Variants in GPHN observed in about 807,000 individuals in gnomAD.
GPHN encodes gephyrin.
A neutral mutation model predicts 95.5 loss-of-function variants in GPHN; 17 were observed. That is an observed-to-expected ratio of 0.18 (90% CI 0.12 to 0.27). GPHN has a LOEUF of 0.27. Among genes scored for constraint, GPHN ranks in the 10% least tolerant of loss-of-function variants. The pLI is 1.00. For synonymous variants in GPHN, 320 were observed against 322.5 expected (o/e 0.99, Z 0.08); for missense variants, 660 against 978.1 (o/e 0.67, Z 4.34).
At chr14:67,605,051 T>C in the GPHN span, among the ~76,000 whole-genome samples, 1 of 152,210 alleles carries the variant, frequency 6.6e-6, no homozygotes, top group African/African-American at 2.4e-5. Flanking sequence ...GTTAAGTCTT[T>C]CAACTTTATA....
intron 4 of GPHN, among the ~76,000 whole-genome samples, chr14:66,851,432 T>C (rs191807002): frequency 6.6e-6 from 1 of 152,294 alleles, no homozygotes; most frequent in East Asian, 1.9e-4. Flanking sequence ...TTTGTATAAG[T>C]GGAACCATAT....
the GPHN span, among the ~76,000 whole-genome samples, chr14:67,646,037 T>C: frequency 5.9e-5 from 9 of 152,200 alleles, no homozygotes; most frequent in Non-Finnish European, 1.3e-4. Context: ...GCGACTGATA[T>C]ACCCACAGCC....
At chr14:66,789,801 A>G (rs1311439726) in intron 3 of GPHN, among the ~76,000 whole-genome samples, 2 of 152,216 alleles carry the variant, frequency 1.3e-5, no homozygotes, top group African/African-American at 2.4e-5. Context: ...GGCCAGGAGC[A>G]TGCTTCTGTA....
chr14:66,750,998 T>G (rs2058342219), intron 2 of GPHN, among the ~76,000 whole-genome samples: 1 of 152,002 alleles, frequency 6.6e-6, no homozygotes. Context: ...AGTCTGTATT[T>G]ATAGCATTCT....
the GPHN span, among the ~76,000 whole-genome samples, chr14:67,214,735 G>A: frequency 6.6e-6 from 1 of 152,080 alleles, no homozygotes. Flanking sequence ...GGATGGCATT[G>A]AATCTATAAA....
chr14:67,583,171 A>C, the GPHN span, among the ~76,000 whole-genome samples: 1 of 152,230 alleles, frequency 6.6e-6, no homozygotes, highest in Non-Finnish European at 1.5e-5. Flanking sequence ...AAGGAAGAGG[A>C]AACAGTAATA....
intron 1 of GPHN, among the ~76,000 whole-genome samples, chr14:66,680,393 A>G (rs1566807684): frequency 6.6e-6 from 1 of 152,230 alleles, no homozygotes; most frequent in Non-Finnish European, 1.5e-5. Context: ...TAATCACCAC[A>G]ACATTACAGG....
chr14:67,232,709 G>C, the GPHN span, among the ~76,000 whole-genome samples: 1 of 152,002 alleles, frequency 6.6e-6, no homozygotes, highest in African/African-American at 2.4e-5. Context: ...CAAGATCCTA[G>C]GTATATTCAT....
At chr14:66,549,690 G>T (rs529689596) in intron 1 of GPHN, among the ~76,000 whole-genome samples, 2 of 152,214 alleles carry the variant, frequency 1.3e-5, no homozygotes, top group South Asian at 4.1e-4. Flanking sequence ...GAAAGAAGAT[G>T]CCATCTAGTG....
intron 9 of GPHN, among the ~76,000 whole-genome samples, chr14:67,010,280 G>A (rs1232627030): frequency 1.3e-5 from 2 of 151,766 alleles, no homozygotes; most frequent in Admixed American, 1.3e-4. Context: ...GCCGGGCGCG[G>A]TGGCTCACGC....
At chr14:67,605,133 C>T in the GPHN span, among the ~76,000 whole-genome samples, 1 of 152,210 alleles carries the variant, frequency 6.6e-6, no homozygotes, top group East Asian at 1.9e-4. Flanking sequence ...TTGGATTGTA[C>T]TGAATCTATC....
At chr14:67,161,187 G>C (rs565969487) in intron 19 of GPHN, among the ~76,000 whole-genome samples, 4 of 152,098 alleles carry the variant, frequency 2.6e-5, no homozygotes, top group Non-Finnish European at 4.4e-5. Flanking sequence ...CCAGCTACAC[G>C]GGAGGCTGAG....
At chr14:67,227,158 C>T in the GPHN span, among the ~76,000 whole-genome samples, 6 of 151,882 alleles carry the variant, frequency 4.0e-5, 1 homozygote, top group East Asian at 9.7e-4. Flanking sequence ...AAATTTGCTC[C>T]CAGCTGGGCG....
chr14:66,532,864 A>G (rs1355967290), intron 1 of GPHN, among the ~76,000 whole-genome samples: 1 of 152,172 alleles, frequency 6.6e-6, no homozygotes. Context: ...TTTACATATT[A>G]CCATTTTAGC....
chr14:67,539,664 T>C, the GPHN span, among the ~76,000 whole-genome samples: 8 of 152,300 alleles, frequency 5.3e-5, no homozygotes, highest in Non-Finnish European at 1.0e-4. Flanking sequence ...CTTTGTGAAA[T>C]TGAAATTCTT....
At chr14:67,018,293 A>G (rs1004394951) in intron 9 of GPHN, among the ~76,000 whole-genome samples, 1 of 152,152 alleles carries the variant, frequency 6.6e-6, no homozygotes, top group Admixed American at 6.6e-5. Context: ...TATGGTAGAT[A>G]AATTATATCT....
intron 8 of GPHN, among the ~76,000 whole-genome samples, chr14:66,948,240 G>T (rs990732341): frequency 1.3e-5 from 2 of 151,766 alleles, no homozygotes; most frequent in African/African-American, 4.8e-5. Flanking sequence ...CAAAAATTCT[G>T]AAATTTTTAA....
At chr14:67,212,515 TGGG>T in the GPHN span, among the ~76,000 whole-genome samples, 2 of 149,558 alleles carry the variant, frequency 1.3e-5, no homozygotes, top group Non-Finnish European at 3.0e-5. Flanking sequence ...CACCTAATCC[TGGG>T]GGGTTGAGGC....
chr14:67,059,251 A>G (rs141457700), intron 11 of GPHN, among the ~76,000 whole-genome samples: 1,833 of 152,274 alleles, frequency 0.012, 18 homozygotes, highest in Non-Finnish European at 0.018. Context: ...TAATTTATCC[A>G]TGGATACTAA....
Sources: allele counts gnomAD v4.1 joint callset (sites outside exome capture counted in the v4.1 genomes callset), GRCh38; gene constraint gnomAD v4.1.1; transcripts MANE v1.5; gene names NCBI Gene and HGNC (gene_info 2026-07-23, HGNC 2026-07-21).